The following KRT7 variants were observed in gnomAD, a reference collection of about 807,000 sequenced individuals.
The protein encoded by KRT7 is keratin, type II cytoskeletal 7.
In KRT7, 50 loss-of-function variants were observed where a neutral mutation model predicts 42.8. The observed-to-expected ratio is 1.17, with a 90% CI of 0.93 to 1.48. The LOEUF is 1.48. KRT7 is among the 40% of genes most tolerant of loss of function. The probability of loss-of-function intolerance (pLI) is 0.00; values close to 1 mark genes in which losing one functional copy is unlikely to be tolerated. For missense variants in KRT7, 588 were observed against 637.6 expected, an observed-to-expected ratio of 0.92 and a Z score of 0.84; for synonymous variants, 268 against 266.3, an observed-to-expected ratio of 1.01 and a Z score of -0.06.
intron 6 of KRT7, chr12:52,243,392 C>T (rs56082136): frequency 0.07 from 31,837 of 455,944 alleles, 1,360 homozygotes; most frequent in Middle Eastern, 0.13. Context: ...AAGAAAGCCA[C>T]CACTGGTTCC....
At chr12:52,235,881 G>A (rs1942005499) in intron 2 of KRT7, among the ~76,000 whole-genome samples, 1 of 152,190 alleles carries the variant, frequency 6.6e-6, no homozygotes, top group Non-Finnish European at 1.5e-5. Flanking sequence ...AACTTGGGAA[G>A]CAAAGAAGCA....
intron 7 of KRT7, chr12:52,246,013 G>A (rs1942163310): frequency 4.5e-6 from 1 of 223,748 alleles, no homozygotes; most frequent in Admixed American, 5.4e-5. Flanking sequence ...CCAGAGTGCA[G>A]TCAGGGTGTG....
At chr12:52,250,702 G>A (rs1421680047), downstream of KRT7, 1 of 524,570 alleles carries the variant, frequency 1.9e-6, no homozygotes, top group Admixed American at 2.4e-5. Context: ...TCTGCTCAGA[G>A]CTTCTCCCCT....
intron 7 of KRT7, 58 bp from the exon 8 acceptor site, chr12:52,248,119 A>G: frequency 6.6e-7 from 1 of 1,519,780 alleles, no homozygotes; most frequent in South Asian, 1.1e-5. Context: ...GAGGGCTGAG[A>G]GCGCTTCCCT....
chr12:52,237,453 G>A, intron 2 of KRT7, 56 bp from the exon 3 acceptor site: 1 of 1,298,754 alleles, frequency 7.7e-7, no homozygotes, highest in Admixed American at 1.8e-5. Context: ...ATGGCGGAGG[G>A]GGGACGGGAG....
At chr12:52,241,833 A>G in intron 5 of KRT7, 197 bp downstream of exon 5, 1 of 490,796 alleles carries the variant, frequency 2.0e-6, no homozygotes, top group Non-Finnish European at 3.6e-6. Context: ...ATATGGATTA[A>G]TCATTATAAT....
chr12:52,254,358 C>G (rs752057545), downstream of KRT7: 2 of 812,488 alleles, frequency 2.5e-6, no homozygotes, highest in Admixed American at 1.8e-5. Flanking sequence ...TAGGCACAGT[C>G]CACATCCTAA....
At chr12:52,252,134 T>C (rs1361611215), downstream of KRT7, 2 of 1,214,644 alleles carry the variant, frequency 1.6e-6, no homozygotes, top group Non-Finnish European at 2.4e-6. Flanking sequence ...CTGCAAATTC[T>C]CTCCTCCAAT....
At chr12:52,255,395 C>T (rs1434269092), downstream of KRT7, 2 of 456,780 alleles carry the variant, frequency 4.4e-6, no homozygotes, top group Admixed American at 2.3e-5. Context: ...CCCTTAGTGC[C>T]ACCTCTTCTT....
At chr12:52,254,404 C>G (rs1024297674), downstream of KRT7, 2 of 644,524 alleles carry the variant, frequency 3.1e-6, no homozygotes, top group Non-Finnish European at 5.9e-6. Context: ...CACTGGGAGA[C>G]AATTCAGAAC....
At chr12:52,244,740 GC>G in intron 6 of KRT7, 1 of 706,216 alleles carries the variant, frequency 1.4e-6, no homozygotes, top group Non-Finnish European at 1.7e-6. Flanking sequence ...GCACTCTAAG[GC>G]CAGGGAGAAA....
At chr12:52,240,439 G>A (rs149222167) in intron 4 of KRT7, among the ~76,000 whole-genome samples, 7,415 of 152,156 alleles carry the variant, frequency 0.049, 246 homozygotes, top group Middle Eastern at 0.075. Flanking sequence ...AGACCAGCCT[G>A]GCCAACATGG....
intron 2 of KRT7, among the ~76,000 whole-genome samples, chr12:52,236,121 G>T (rs1942008574): frequency 6.6e-6 from 1 of 152,008 alleles, no homozygotes; most frequent in African/African-American, 2.4e-5. Context: ...TCTGTCCCCT[G>T]CCTGTGGCTG....
intron 8 of KRT7, 118 bp from the exon 9 acceptor site, chr12:52,248,473 A>AG: frequency 9.5e-7 from 1 of 1,052,190 alleles, no homozygotes. Flanking sequence ...TGGCCCATGG[A>AG]GGGGGGCAGG....
intron 7 of KRT7, chr12:52,247,942 G>A: frequency 1.7e-6 from 1 of 574,094 alleles, no homozygotes; most frequent in South Asian, 2.0e-5. Flanking sequence ...GGTGGGAAAT[G>A]GAGGCCCTGA....
chr12:52,238,668 C>T lies in KRT7; in HGVS notation c.598-12C>T, dbSNP rs1184977240. 8 of 1,593,054 alleles carry T rather than the reference C, an allele frequency of 5.0e-6. No homozygotes were observed. Among genetic ancestry groups the T allele is most frequent in the Middle Eastern group, 1.7e-4 (1 of 6,032 alleles). On this transcript the variant is annotated splice_polypyrimidine_tract_variant and intron_variant, in intron 3 of 8. Transcript: ENST00000331817. ...ATGGTCTCCCTCTGCCCCATCTTGC[C>T]CCAACCCCCAGGATGTGGATGCTGC... is the stretch of plus-strand genomic sequence containing the variant.
chr12:52,237,303 A>AC (rs550531399), intron 2 of KRT7, among the ~76,000 whole-genome samples: 152 of 151,532 alleles, frequency 1.0e-3, no homozygotes, highest in Middle Eastern at 3.4e-3. Flanking sequence ...CCCACCAACA[A>AC]CCCCCCATGC....
chr12:52,235,629 G>C (rs1324133113), intron 2 of KRT7, among the ~76,000 whole-genome samples: 1 of 152,214 alleles, frequency 6.6e-6, no homozygotes, highest in Admixed American at 6.5e-5. Flanking sequence ...GACCTGCACT[G>C]TCTCCTTTGG....
At position 52,233,398 on chromosome 12, in the gene KRT7, T is replaced by C. The variant is rs1592386205; in HGVS notation, c.102T>C (p.Leu34=). The change falls in exon 1 of 9, where the codon CTT becomes CTC. Residue 34 remains leucine (L), a synonymous_variant. Transcript: ENST00000331817. ...TGAGCTCCGCTCGCCCCGGCGGCCT[T>C]GGCAGCAGCAGCCTCTACGGCCTCG... ...VRLSSARPGG[L]GSSSLYGLGA... is the part of the protein sequence containing the mutation. The C allele has an allele frequency of 6.4e-7, 1 of 1,565,636 alleles. No individual in the cohort carries two copies. The highest frequency in any genetic ancestry group is 8.6e-7 in the Non-Finnish European group (1 of 1,162,212).
Sources: allele counts gnomAD v4.1 joint callset (sites outside exome capture counted in the v4.1 genomes callset), GRCh38; gene constraint gnomAD v4.1.1; transcripts MANE v1.5; gene names NCBI Gene and HGNC (gene_info 2026-07-23, HGNC 2026-07-21).